The following CASR variants were observed in gnomAD, a reference collection of about 807,000 sequenced individuals.
CASR encodes calcium sensing receptor, also known as extracellular calcium-sensing receptor.
CASR carries 23 observed loss-of-function variants against 69.1 expected under a neutral mutation model. The observed-to-expected ratio is 0.33, with a 90% CI of 0.24 to 0.47. CASR has a LOEUF of 0.47. Among genes scored for constraint, CASR ranks in the 20% least tolerant of loss-of-function variants. CASR has a pLI of 1.00. For synonymous variants in CASR, 541 were observed against 544.7 expected (o/e 0.99, Z 0.10); for missense variants, 924 against 1,356.1 (o/e 0.68, Z 5.00).
chr3:122,212,447 G>A (rs1418632560), intron 1 of CASR, among the ~76,000 whole-genome samples: 3 of 152,144 alleles, frequency 2.0e-5, no homozygotes, highest in African/African-American at 7.2e-5. Context: ...AATAGCTAAT[G>A]CATGCTGGGC....
intron 1 of CASR, among the ~76,000 whole-genome samples, chr3:122,194,927 TA>T (rs1485963656): frequency 1.3e-5 from 2 of 152,042 alleles, no homozygotes; most frequent in African/African-American, 4.8e-5. Flanking sequence ...ACACTTTAGT[TA>T]TATTCTTCCC....
At chr3:122,278,841 A>G (rs1048464756) in intron 5 of CASR, among the ~76,000 whole-genome samples, 1 of 152,094 alleles carries the variant, frequency 6.6e-6, no homozygotes, top group African/African-American at 2.4e-5. Context: ...TTAACCATTA[A>G]GAAGAAGAGA....
At chr3:122,268,481 G>C (rs56103318) in intron 4 of CASR, among the ~76,000 whole-genome samples, 25,731 of 152,136 alleles carry the variant, frequency 0.17, 2,613 homozygotes, top group East Asian at 0.4. Flanking sequence ...AGATCAGCCA[G>C]TGGTTTCCAA....
intron 2 of CASR, among the ~76,000 whole-genome samples, chr3:122,256,510 GCTCT>G (rs1462098929): frequency 7.1e-6 from 1 of 140,202 alleles, no homozygotes; most frequent in African/African-American, 3.3e-5. Flanking sequence ...TGTCATTATT[GCTCT>G]CTGTCTCTGT....
At chr3:122,211,402 AC>A (rs2074064451) in intron 1 of CASR, among the ~76,000 whole-genome samples, 1 of 152,094 alleles carries the variant, frequency 6.6e-6, no homozygotes, top group Non-Finnish European at 1.5e-5. Context: ...GAAAAAAACA[AC>A]CCCATTAAAA....
chr3:122,217,276 G>GT (rs748740469), intron 1 of CASR, among the ~76,000 whole-genome samples: 1 of 151,890 alleles, frequency 6.6e-6, no homozygotes, highest in Admixed American at 6.6e-5. Context: ...TTTTTTTGTA[G>GT]TTTTTTGTAG....
chr3:122,245,062 C>G (rs931632886), intron 1 of CASR, among the ~76,000 whole-genome samples: 5 of 152,108 alleles, frequency 3.3e-5, no homozygotes, highest in Admixed American at 3.3e-4. Context: ...CCCTCAGATA[C>G]CAAAATCTGC....
intron 4 of CASR, among the ~76,000 whole-genome samples, chr3:122,272,225 C>T (rs983210690): frequency 2.6e-5 from 4 of 152,130 alleles, no homozygotes; most frequent in Non-Finnish European, 5.9e-5. Context: ...ACATCCCCAC[C>T]AGCAGTCTAT....
chr3:122,213,945 A>G (rs1270624649), intron 1 of CASR, among the ~76,000 whole-genome samples: 1 of 152,162 alleles, frequency 6.6e-6, no homozygotes, highest in African/African-American at 2.4e-5. Context: ...AGGATCTGCC[A>G]TTGTTCTGGA....
intron 4 of CASR, among the ~76,000 whole-genome samples, chr3:122,273,253 G>A (rs2074779152): frequency 6.6e-6 from 1 of 152,230 alleles, no homozygotes; most frequent in South Asian, 2.1e-4. Flanking sequence ...AGAGGTGTAG[G>A]ATGATGTTGT....
chr3:122,210,439 C>T lies in CASR; in HGVS notation c.-243+26627C>T, dbSNP rs533599308. On this transcript the variant is annotated intron_variant, in intron 1 of 6. Transcript: ENST00000639785. ...AAAAATCACAGACATTTCTATACAC[C>T]GGCAATATACAAGCAGAGAACCAAA... Among the ~76,000 whole-genome samples, 22 of 152,084 alleles carry T rather than the reference C, an allele frequency of 1.4e-4. 1 individual carries two copies. In the South Asian group the frequency reaches 3.7e-3, roughly 26 times the overall value.
intron 4 of CASR, among the ~76,000 whole-genome samples, chr3:122,265,244 C>A (rs2074678353): frequency 2.0e-5 from 3 of 152,188 alleles, no homozygotes; most frequent in African/African-American, 7.2e-5. Flanking sequence ...GAAATAGACA[C>A]TTATTAGTTA....
intron 1 of CASR, among the ~76,000 whole-genome samples, chr3:122,209,733 C>G (rs955306109): frequency 6.6e-6 from 1 of 152,172 alleles, no homozygotes; most frequent in African/African-American, 2.4e-5. Context: ...CTCCCTAACT[C>G]ATTTTATGAG....
intron 4 of CASR, among the ~76,000 whole-genome samples, chr3:122,271,374 G>C (rs2074755468): frequency 6.6e-6 from 1 of 152,110 alleles, no homozygotes; most frequent in South Asian, 2.1e-4. Flanking sequence ...TCCTTCTCCA[G>C]ATAAGATGTT....
chr3:122,279,970 C>T (rs1042259522), intron 5 of CASR, among the ~76,000 whole-genome samples: 4 of 152,274 alleles, frequency 2.6e-5, no homozygotes, highest in Admixed American at 2.0e-4. Context: ...CCTTTCCCAA[C>T]AGGCCCCAGT....
Position 122,286,897 on chromosome 3 carries a change from G to C in CASR, c.*1706G>C, listed in dbSNP as rs1293411712. 6.6e-6 allele frequency: 1 copy of C among 152,234 alleles called. No homozygotes were observed. Among genetic ancestry groups the C allele is most frequent in the Admixed American group, 6.5e-5 (1 of 15,290 alleles). The allele number at this position is 152,234 out of a possible 1,614,324, so 9.4% of individuals were successfully genotyped here. On this transcript the variant is annotated 3_prime_UTR_variant, in exon 7 of 7. Coordinates refer to ENST00000639785, the MANE Select transcript of CASR (RefSeq NM_000388.4). ...CCAAAGGGGCGCCTTTCAGTGATTT[G>C]TAGGGCAAATTGGTGGACTTGATAG...
At chr3:122,247,101 C>A (rs1396798025) in intron 1 of CASR, 1 of 152,190 alleles carries the variant, frequency 6.6e-6, no homozygotes, top group African/African-American at 2.4e-5. Context: ...AGATTACAGA[C>A]TTTATGCTTT....
At position 122,205,870 on chromosome 3, in the gene CASR, G is replaced by A. The variant is rs542359115; in HGVS notation, c.-243+22058G>A. Among the ~76,000 whole-genome samples, 160 of 151,844 alleles carry A rather than the reference G, an allele frequency of 1.1e-3. 1 individual carries two copies. The highest frequency in any genetic ancestry group is 3.6e-3 in the African/African-American group (151 of 41,456). On this transcript the variant is annotated intron_variant, in intron 1 of 6. Coordinates refer to ENST00000639785, the MANE Select transcript of CASR (RefSeq NM_000388.4). Reference sequence around the variant, plus strand: ...TTTTTTATGATTTCTTTTTCAGATTGTTCACTGGTGGTGTATATAAATGTT... The same window carrying A: ...TTTTTTATGATTTCTTTTTCAGATTATTCACTGGTGGTGTATATAAATGTT...
intron 1 of CASR, among the ~76,000 whole-genome samples, chr3:122,197,514 C>T (rs913093349): frequency 2.0e-5 from 3 of 152,136 alleles, no homozygotes; most frequent in African/African-American, 7.2e-5. Context: ...TTTATAATTT[C>T]CCCCATAACC....
Sources: allele counts gnomAD v4.1 joint callset (sites outside exome capture counted in the v4.1 genomes callset), GRCh38; gene constraint gnomAD v4.1.1; transcripts MANE v1.5; gene names NCBI Gene and HGNC (gene_info 2026-07-23, HGNC 2026-07-21).